The following GALNT17 variants were observed in gnomAD, a reference collection of about 807,000 sequenced individuals.
The protein encoded by GALNT17 is UDP-GalNAc:polypeptide N-acetylgalactosaminyltransferase-like 3.
In GALNT17, 29 loss-of-function variants were observed where a neutral mutation model predicts 63.7. That is an observed-to-expected ratio of 0.46 (90% confidence interval 0.34 to 0.62). The LOEUF is 0.62. Among genes scored for constraint, GALNT17 ranks in the 20% least tolerant of loss-of-function variants. The pLI is 0.01. For missense variants in GALNT17, 603 were observed against 799.6 expected, an observed-to-expected ratio of 0.75 and a Z score of 2.97; for synonymous variants, 305 against 318.3, an observed-to-expected ratio of 0.96 and a Z score of 0.45.
Position 71,141,856 on chromosome 7 carries a change from G to A in GALNT17, c.238+8816G>A, listed in dbSNP as rs1787899238. ...CACGTCTGGCTGTGTGTGTGTGTGT[G>A]TGTGTGTGTGTGTGTGTGTGTGTAT... On this transcript the variant is annotated intron_variant, in intron 1 of 10. Coordinates refer to ENST00000333538, the MANE Select transcript of GALNT17 (RefSeq NM_022479.3). Among the ~76,000 whole-genome samples the A allele has an allele frequency of 2.0e-5, 3 of 149,850 alleles. No individual in the cohort carries two copies. In the South Asian group the frequency reaches 6.4e-4, roughly 32 times the overall value.
intron 1 of GALNT17, among the ~76,000 whole-genome samples, chr7:71,268,931 G>A (rs752432437): frequency 1.3e-5 from 2 of 152,184 alleles, no homozygotes; most frequent in Non-Finnish European, 1.5e-5. Flanking sequence ...GAGGCCTCAT[G>A]GAGGCAGGAA....
intron 1 of GALNT17, among the ~76,000 whole-genome samples, chr7:71,324,976 T>C (rs1011163894): frequency 3.9e-5 from 6 of 152,330 alleles, no homozygotes; most frequent in Non-Finnish European, 8.8e-5. Context: ...TTGTGTTCCA[T>C]TGATCTTGCC....
At chr7:71,638,711 T>C (rs746893492) in intron 6 of GALNT17, among the ~76,000 whole-genome samples, 6 of 152,216 alleles carry the variant, frequency 3.9e-5, no homozygotes, top group Non-Finnish European at 7.3e-5. Context: ...ATTCTGGTTT[T>C]AGCACCTGCC....
At chr7:71,285,705 A>C (rs1469443399) in intron 1 of GALNT17, among the ~76,000 whole-genome samples, 1 of 152,152 alleles carries the variant, frequency 6.6e-6, no homozygotes, top group Non-Finnish European at 1.5e-5. Context: ...AGGACACAGC[A>C]AAAAGACAGT....
intron 2 of GALNT17, among the ~76,000 whole-genome samples, chr7:71,360,308 C>T (rs904709192): frequency 2.0e-5 from 3 of 152,114 alleles, no homozygotes; most frequent in African/African-American, 4.8e-5. Flanking sequence ...ACTACTAACT[C>T]GGATAAGATG....
chr7:71,205,571 C>T (rs1478406334), intron 1 of GALNT17, among the ~76,000 whole-genome samples: 1 of 152,142 alleles, frequency 6.6e-6, no homozygotes, highest in Non-Finnish European at 1.5e-5. Context: ...TACAGGCACG[C>T]TCCACCACAC....
intron 2 of GALNT17, among the ~76,000 whole-genome samples, chr7:71,352,739 C>T (rs1164784589): frequency 1.3e-5 from 2 of 152,070 alleles, no homozygotes; most frequent in African/African-American, 4.8e-5. Flanking sequence ...AGTGCTGTGC[C>T]ACTCCAAAAT....
chr7:71,328,248 G>C (rs759172727), intron 1 of GALNT17, among the ~76,000 whole-genome samples: 8 of 152,124 alleles, frequency 5.3e-5, no homozygotes, highest in Non-Finnish European at 8.8e-5. Context: ...ATTACTTTTA[G>C]TGGCAAAAAC....
intron 1 of GALNT17, among the ~76,000 whole-genome samples, chr7:71,217,663 CGCCTGTAATCCCA>C (rs1562924246): frequency 1.3e-5 from 2 of 152,022 alleles, no homozygotes; most frequent in Non-Finnish European, 1.5e-5. Context: ...TGGTGGCTCA[CGCCTGTAATCCCA>C]GCACTTTGGG....
chr7:71,608,065 A>G (rs1213455611), intron 6 of GALNT17, among the ~76,000 whole-genome samples: 1 of 152,138 alleles, frequency 6.6e-6, no homozygotes, highest in Non-Finnish European at 1.5e-5. Context: ...CTTACATGAC[A>G]TAGGGAGCCC....
intron 5 of GALNT17, among the ~76,000 whole-genome samples, chr7:71,477,250 G>C (rs1456201257): frequency 6.6e-6 from 1 of 152,078 alleles, no homozygotes; most frequent in Non-Finnish European, 1.5e-5. Context: ...TGACTGACAG[G>C]CTTCCCTGCC....
chr7:71,410,757 C>T (rs1361709923), intron 3 of GALNT17, among the ~76,000 whole-genome samples: 8 of 152,250 alleles, frequency 5.3e-5, no homozygotes, highest in African/African-American at 1.2e-4. Flanking sequence ...GCTCCATGAG[C>T]CTGGATGACA....
At chr7:71,289,871 C>A (rs142989461) in intron 1 of GALNT17, among the ~76,000 whole-genome samples, 1,808 of 146,114 alleles carry the variant, frequency 0.012, 14 homozygotes, top group Middle Eastern at 0.028. Context: ...AAGAGCAAAA[C>A]CCCGTCTCAA....
intron 1 of GALNT17, among the ~76,000 whole-genome samples, chr7:71,167,036 G>A (rs888514006): frequency 6.7e-6 from 1 of 149,868 alleles, no homozygotes; most frequent in Non-Finnish European, 1.5e-5. Flanking sequence ...AACCATGCCT[G>A]GCTAAGTACT....
At chr7:71,490,150 C>T (rs984331993) in intron 5 of GALNT17, among the ~76,000 whole-genome samples, 7 of 151,690 alleles carry the variant, frequency 4.6e-5, no homozygotes, top group African/African-American at 9.7e-5. Flanking sequence ...CCCAGCTACT[C>T]GGAGGCTGAG....
chr7:71,397,290 G>C (rs1276575233), intron 3 of GALNT17, among the ~76,000 whole-genome samples: 1 of 152,134 alleles, frequency 6.6e-6, no homozygotes, highest in Non-Finnish European at 1.5e-5. Flanking sequence ...TCACCATAGT[G>C]GGCTATTGTG....
At chr7:71,519,534 G>A (rs1788495556) in intron 5 of GALNT17, among the ~76,000 whole-genome samples, 1 of 152,144 alleles carries the variant, frequency 6.6e-6, no homozygotes, top group Admixed American at 6.5e-5. Flanking sequence ...CATGATCTCA[G>A]CTCACTGCAA....
chr7:71,701,860 T>TC (rs1791648788), intron 9 of GALNT17, among the ~76,000 whole-genome samples: 1 of 83,684 alleles, frequency 1.2e-5, no homozygotes, highest in South Asian at 3.3e-4. Context: ...TATATACACA[T>TC]ATATATATAC....
intron 5 of GALNT17, among the ~76,000 whole-genome samples, chr7:71,553,878 C>G (rs916484698): frequency 6.6e-6 from 1 of 152,224 alleles, no homozygotes; most frequent in African/African-American, 2.4e-5. Context: ...TGAAAGTTCT[C>G]CCTCTCCCAG....
Sources: gnomAD v4.1 joint callset for allele counts (sites outside exome capture counted in the v4.1 genomes callset) on GRCh38, gnomAD v4.1.1 for gene constraint, MANE v1.5 for transcripts, NCBI Gene and HGNC (gene_info 2026-07-23, HGNC 2026-07-21) for gene names.